ANKRD31: variants seen among roughly 807,000 people sequenced by gnomAD.
ANKRD31 encodes the protein ankyrin repeat domain 31.
Under a neutral mutation model 186.0 loss-of-function variants are expected in ANKRD31, and 147 were observed. That is an observed-to-expected ratio of 0.79 (90% CI 0.69 to 0.91). The LOEUF (loss-of-function observed/expected upper bound fraction) is 0.91, where lower values mean the gene tolerates loss of function less well. Among genes scored for constraint, ANKRD31 ranks in the 40% least tolerant of loss-of-function variants. The pLI is 0.00. For missense variants in ANKRD31, 1,986 were observed against 2,148.8 expected, an observed-to-expected ratio of 0.92 and a Z score of 1.50; for synonymous variants, 673 against 736.4, an observed-to-expected ratio of 0.91 and a Z score of 1.39.
intron 1 of ANKRD31, among the ~76,000 whole-genome samples, chr5:75,235,055 T>A (rs1352116062): frequency 6.6e-6 from 1 of 152,138 alleles, no homozygotes; most frequent in African/African-American, 2.4e-5. Flanking sequence ...ATGCTGTTTA[T>A]TGATCTGTCA....
chr5:75,079,802 T>C (rs916435136), intron 25 of ANKRD31, among the ~76,000 whole-genome samples: 1 of 152,056 alleles, frequency 6.6e-6, no homozygotes, highest in African/African-American at 2.4e-5. Flanking sequence ...TATCCCACAA[T>C]TAGAAGCAGT....
intron 10 of ANKRD31, among the ~76,000 whole-genome samples, chr5:75,185,681 A>G (rs1360487829): frequency 6.6e-6 from 1 of 152,142 alleles, no homozygotes. Context: ...AAATGTTCCT[A>G]ACATAAAGAA....
At chr5:75,147,858 T>C (rs1187964525) in intron 13 of ANKRD31, among the ~76,000 whole-genome samples, 2 of 151,910 alleles carry the variant, frequency 1.3e-5, no homozygotes, top group African/African-American at 4.8e-5. Flanking sequence ...AAAGTTTCCT[T>C]TACAAGGAAA....
In ANKRD31 at chr5:75,093,443, C is replaced by G. The variant is rs960618957; in HGVS notation, c.5332-2042G>C. Among the ~76,000 whole-genome samples, 46 of 152,058 alleles carry G rather than the reference C, an allele frequency of 3.0e-4. 1 individual carries two copies. Among genetic ancestry groups the G allele is most frequent in the Admixed American group, 2.5e-3 (38 of 15,254 alleles). Reference sequence around the variant, plus strand: ...GTTTCAGTGAACTGAGATTGCACCACTGCACTCCAGCCTGGGCAACAAGAC... The same window carrying G: ...GTTTCAGTGAACTGAGATTGCACCAGTGCACTCCAGCCTGGGCAACAAGAC... On this transcript the variant is annotated intron_variant, in intron 22 of 25. Transcript: ENST00000506364.
intron 1 of ANKRD31, among the ~76,000 whole-genome samples, chr5:75,235,241 C>CTTTTTTT (rs35626841): frequency 7.0e-5 from 7 of 99,876 alleles, no homozygotes; most frequent in Admixed American, 1.2e-4. Context: ...CTTGCTGGTA[C>CTTTTTTT]TTTTTTTTTT....
At chr5:75,075,624 C>T (rs1429517277) in intron 25 of ANKRD31, among the ~76,000 whole-genome samples, 1 of 152,124 alleles carries the variant, frequency 6.6e-6, no homozygotes, top group African/African-American at 2.4e-5. Context: ...AATTTCACCA[C>T]CAATCCAACC....
intron 22 of ANKRD31, among the ~76,000 whole-genome samples, chr5:75,095,320 A>T (rs997486481): frequency 6.6e-6 from 1 of 152,038 alleles, no homozygotes; most frequent in Non-Finnish European, 1.5e-5. Flanking sequence ...ATACAAAAAA[A>T]AAAATTATCC....
At chr5:75,178,478 T>C (rs534963646) in intron 10 of ANKRD31, among the ~76,000 whole-genome samples, 155 of 152,286 alleles carry the variant, frequency 1.0e-3, no homozygotes, top group African/African-American at 3.7e-3. Context: ...GACCACATAG[T>C]TGGAAGTAAA....
intron 17 of ANKRD31, among the ~76,000 whole-genome samples, chr5:75,120,835 T>A (rs925697701): frequency 6.6e-6 from 1 of 152,172 alleles, no homozygotes; most frequent in Admixed American, 6.6e-5. Context: ...AATGGATTTT[T>A]AAAATGAACC....
intron 10 of ANKRD31, among the ~76,000 whole-genome samples, chr5:75,177,349 T>A (rs1165410438): frequency 6.6e-6 from 1 of 151,858 alleles, no homozygotes; most frequent in African/African-American, 2.4e-5. Flanking sequence ...TCTAGCAAGG[T>A]GGGCCAACAT....
chr5:75,082,335 A>G (rs1248673240), intron 24 of ANKRD31, among the ~76,000 whole-genome samples: 1 of 151,994 alleles, frequency 6.6e-6, no homozygotes, highest in East Asian at 1.9e-4. Flanking sequence ...GGTGATAGAA[A>G]CCCTGTTTAA....
In ANKRD31 at chr5:75,077,691, C is replaced by T. The variant is rs1046287799; in HGVS notation, c.5647+2877G>A. On this transcript the variant is annotated intron_variant, in intron 25 of 25. Coordinates refer to ENST00000506364, the MANE Select transcript of ANKRD31 (RefSeq NM_001372053.1). Reference sequence around the variant, plus strand: ...CTGTAATCCCAGCACTTTGGGAGGCCGAGGTGGGCAGATCATGAGGTCAGG... The same window carrying T: ...CTGTAATCCCAGCACTTTGGGAGGCTGAGGTGGGCAGATCATGAGGTCAGG... Among the ~76,000 whole-genome samples the T allele has an allele frequency of 5.9e-5, 9 of 151,732 alleles. No individual in the cohort carries two copies. In the East Asian group the frequency reaches 1.2e-3, roughly 20 times the overall value.
rs143434135 is a variant in ANKRD31, at chr5:75,204,824, A to G, written c.403+1587T>C. Among the ~76,000 whole-genome samples, 89 of 152,352 alleles carry G rather than the reference A, an allele frequency of 5.8e-4. 1 individual carries two copies. The highest frequency in any genetic ancestry group is 2.0e-3 in the African/African-American group (85 of 41,578). On this transcript the variant is annotated intron_variant, in intron 5 of 25. Transcript: ENST00000506364. The stretch of plus-strand genomic sequence containing the variant: ...GATAAACAAAAATATCCTATGTTTT[A>G]TAAATAGACATGTATTTAATTAAGA...
intron 13 of ANKRD31, 39 bp downstream of exon 13, chr5:75,148,537 C>T (rs73129036): frequency 0.027 from 37,180 of 1,356,988 alleles, 2,288 homozygotes; most frequent in African/African-American, 0.24. Context: ...CCAGAAGTTA[C>T]ATCCCTATAA....
At chr5:75,078,312 A>G (rs1156629345) in intron 25 of ANKRD31, among the ~76,000 whole-genome samples, 3 of 152,230 alleles carry the variant, frequency 2.0e-5, no homozygotes, top group South Asian at 4.1e-4. Flanking sequence ...CAGAGAAATG[A>G]CAAAGCATGA....
chr5:75,146,603 A>T lies in ANKRD31; in HGVS notation c.2808T>A (p.Asn936Lys), dbSNP rs1751456243. The T allele has an allele frequency of 6.5e-7, 1 of 1,535,010 alleles. No individual in the cohort carries two copies. The highest frequency in any genetic ancestry group is 8.7e-7 in the Non-Finnish European group (1 of 1,146,038). Reference protein sequence around the residue: ...KHYNFKENLTNKKEMGFQQFL... With the variant: ...KHYNFKENLTKKKEMGFQQFL... ...ACTGTTGGAAACCCATTTCTTTTTT[A>T]TTTGTTAAATTCTCCTTAAAATTAT... Residue 936 changes from asparagine to lysine, a missense_variant, in exon 14 of 26, where the codon AAT becomes AAA. By Grantham distance (94) the Asn-to-Lys change is moderately conservative. Transcript: ENST00000506364.
At chr5:75,098,165 T>A (rs1746492697) in intron 22 of ANKRD31, among the ~76,000 whole-genome samples, 1 of 152,052 alleles carries the variant, frequency 6.6e-6, no homozygotes, top group Non-Finnish European at 1.5e-5. Flanking sequence ...GCTAATTTTT[T>A]TGTATTTTTA....
rs879702054 is a variant in ANKRD31, at chr5:75,103,707, A to T, written c.5331+521T>A. ...AGATCATGTCCTCTGCAGAGACATG[A>T]ATGGAGCTGGAAGCCATTATCTTCA... On this transcript the variant is annotated intron_variant, in intron 22 of 25. Transcript: ENST00000506364. Among the ~76,000 whole-genome samples, 22 of 152,298 alleles carry T rather than the reference A, an allele frequency of 1.4e-4. No individual in the cohort carries two copies. In the Middle Eastern group the frequency reaches 0.014, roughly 94 times the overall value.
chr5:75,223,768 T>C (rs1337433167), intron 2 of ANKRD31, among the ~76,000 whole-genome samples: 1 of 152,066 alleles, frequency 6.6e-6, no homozygotes, highest in Admixed American at 6.6e-5. Flanking sequence ...GAAGGTAAGA[T>C]CTTTGGGAGG....
Sources: gnomAD v4.1 joint callset for allele counts (sites outside exome capture counted in the v4.1 genomes callset) on GRCh38, gnomAD v4.1.1 for gene constraint, MANE v1.5 for transcripts, NCBI Gene and HGNC (gene_info 2026-07-23, HGNC 2026-07-21) for gene names.